Variants in HIVEP2 observed in about 807,000 individuals in gnomAD.
HIVEP2 encodes the protein HIVEP zinc finger 2.
HIVEP2 carries 14 observed loss-of-function variants against 180.7 expected under a neutral mutation model. That is an observed-to-expected ratio of 0.08 (90% CI 0.05 to 0.12). HIVEP2 has a LOEUF of 0.12. Ranked by LOEUF, HIVEP2 falls within the 10% of genes least tolerant of loss-of-function variation. HIVEP2 has a pLI of 1.00. For synonymous variants in HIVEP2, 1,184 were observed against 1,136.4 expected, an observed-to-expected ratio of 1.04 and a Z score of -0.84; for missense variants, 2,579 against 3,008.5, an observed-to-expected ratio of 0.86 and a Z score of 3.34.
intron 2 of HIVEP2, among the ~76,000 whole-genome samples, chr6:142,784,482 T>C (rs549357135): frequency 6.6e-6 from 1 of 152,188 alleles, no homozygotes; most frequent in Non-Finnish European, 1.5e-5. Flanking sequence ...TGCACACCAC[T>C]GCAGTAGCAC....
At chr6:142,755,504 C>T (rs1427558275) in intron 9 of HIVEP2, among the ~76,000 whole-genome samples, 1 of 152,082 alleles carries the variant, frequency 6.6e-6, no homozygotes, top group African/African-American at 2.4e-5. Context: ...TAAAATAAAA[C>T]CGAGCTTGGT....
In HIVEP2 at chr6:142,774,468, G is replaced by A. The variant is rs1775641005; in HGVS notation, c.271C>T (p.Pro91Ser). The change falls in exon 5 of 10, where the codon CCT (proline) becomes TCT (serine). Residue 91 changes from proline (P) to serine (S), a missense_variant. Coordinates refer to ENST00000367603, the MANE Select transcript of HIVEP2 (RefSeq NM_006734.4). This position sits in a 1 kb window ranked among gnomAD's most constrained non-coding sequence, Gnocchi z 5.1. Reference sequence around the variant, plus strand: ...GAGAGTGAGTGTTGGCATGAGTAAGGACTCGGACGATGCGGTGGATATTGC... The same window carrying A: ...GAGAGTGAGTGTTGGCATGAGTAAGAACTCGGACGATGCGGTGGATATTGC... ...EKQYPPHRPSPYSCQHSLSFP... is the reference protein window; with the variant it reads ...EKQYPPHRPSSYSCQHSLSFP... 2 of 1,614,044 alleles carry A rather than the reference G, an allele frequency of 1.2e-6. No individual in the cohort carries two copies. Among genetic ancestry groups the A allele is most frequent in the Non-Finnish European group, 1.7e-6 (2 of 1,180,044 alleles).
intron 1 of HIVEP2, among the ~76,000 whole-genome samples, chr6:142,907,269 T>A (rs145073634): frequency 6.6e-6 from 1 of 152,318 alleles, no homozygotes; most frequent in Non-Finnish European, 1.5e-5. Context: ...CAAATCACAT[T>A]GTTTGAATAC....
intron 1 of HIVEP2, among the ~76,000 whole-genome samples, chr6:142,906,821 T>C (rs1777274582): frequency 6.6e-6 from 1 of 152,162 alleles, no homozygotes; most frequent in South Asian, 2.1e-4. Context: ...GATCAAAGAA[T>C]ATACAAGGAA....
rs553553198 is a variant in HIVEP2, at chr6:142,840,816, G to T, written c.-640-3769C>A. On this transcript the variant is annotated intron_variant, in intron 1 of 9. Coordinates refer to ENST00000367603, the MANE Select transcript of HIVEP2 (RefSeq NM_006734.4). ...GTTTATAATGGACTTCATATTTATGGCCATATTGATTTCAAGAGATTGAAA... is the reference window on the plus strand; with the variant it reads ...GTTTATAATGGACTTCATATTTATGTCCATATTGATTTCAAGAGATTGAAA... Among the ~76,000 whole-genome samples, 134 of 152,036 alleles carry T rather than the reference G, an allele frequency of 8.8e-4. 1 individual carries two copies. The highest frequency in any genetic ancestry group is 3.2e-3 in the African/African-American group (131 of 41,464).
chr6:142,822,090 C>T lies in HIVEP2; in HGVS notation c.-528+14845G>A, dbSNP rs115034230. ...AGGAGGCCACACAGTGCAGGAAAGA[C>T]GCTACTTTTAATTCCGGCTCCACCA... On this transcript the variant is annotated intron_variant, in intron 2 of 9. Coordinates refer to ENST00000367603, the MANE Select transcript of HIVEP2 (RefSeq NM_006734.4). Among the ~76,000 whole-genome samples, 1,317 of 152,294 alleles carry T rather than the reference C, an allele frequency of 8.6e-3. 10 individuals carry two copies. The highest frequency in any genetic ancestry group is 0.011 in the Non-Finnish European group (765 of 68,024).
chr6:142,814,261 A>G (rs1282042133), intron 2 of HIVEP2, among the ~76,000 whole-genome samples: 2 of 152,218 alleles, frequency 1.3e-5, no homozygotes, highest in Non-Finnish European at 2.9e-5. Context: ...AACCAGGTAT[A>G]TTCTGGGAAT....
rs1174974536 is a variant in HIVEP2 at position 142,770,640 on chromosome 6, A to C, written c.4099T>G (p.Cys1367Gly). 6.2e-7 allele frequency: 1 copy of C among 1,614,124 alleles called. No homozygotes were observed. The highest frequency in any genetic ancestry group is 1.3e-5 in the African/African-American group (1 of 74,950). The change falls in exon 5 of 10, where the codon TGC becomes GGC. Residue 1367 changes from cysteine (C) to glycine (G), a missense_variant. Physicochemically the swap from Cys to Gly is radical, Grantham distance 159. Coordinates refer to ENST00000367603, the MANE Select transcript of HIVEP2 (RefSeq NM_006734.4). This position sits in a 1 kb window ranked among gnomAD's most constrained non-coding sequence, Gnocchi z 4.7. ...LGQNSPAIVI[C>G]KVDENMTQRT... ...TGGGTCATATTCTCATCGACTTTGC[A>C]TATGACAATGGCAGGGCTATTCTGC...
chr6:142,853,389 G>T (rs985882857), intron 1 of HIVEP2, among the ~76,000 whole-genome samples: 1 of 152,088 alleles, frequency 6.6e-6, no homozygotes, highest in Non-Finnish European at 1.5e-5. Context: ...TGTTCTTCCG[G>T]CTCCCAGAAT....
intron 9 of HIVEP2, among the ~76,000 whole-genome samples, chr6:142,758,257 A>G (rs1775130948): frequency 6.6e-6 from 1 of 152,208 alleles, no homozygotes; most frequent in African/African-American, 2.4e-5. Flanking sequence ...CCCAATTGCT[A>G]TATATGTTTC....
chr6:142,924,594 A>C (rs907537076), intron 1 of HIVEP2, among the ~76,000 whole-genome samples: 1 of 152,264 alleles, frequency 6.6e-6, no homozygotes, highest in African/African-American at 2.4e-5. Context: ...TACTGACCCT[A>C]AACAGAACTA....
At chr6:142,916,419 T>G (rs1777550176) in intron 1 of HIVEP2, among the ~76,000 whole-genome samples, 1 of 152,236 alleles carries the variant, frequency 6.6e-6, no homozygotes, top group African/African-American at 2.4e-5. Context: ...TCCCTTGTTC[T>G]TGGTGCTCCA....
intron 2 of HIVEP2, among the ~76,000 whole-genome samples, chr6:142,804,691 T>C (rs1240418609): frequency 6.6e-6 from 1 of 152,090 alleles, no homozygotes; most frequent in African/African-American, 2.4e-5. Flanking sequence ...CTGACACATG[T>C]TGGGGTGTAG....
At chr6:142,865,984 C>T (rs893547146) in intron 1 of HIVEP2, among the ~76,000 whole-genome samples, 3 of 152,296 alleles carry the variant, frequency 2.0e-5, no homozygotes, top group African/African-American at 7.2e-5. Context: ...TCCTTTACCA[C>T]TGGCCAGCTG....
chr6:142,821,366 T>C (rs977852178), intron 2 of HIVEP2, among the ~76,000 whole-genome samples: 1 of 152,050 alleles, frequency 6.6e-6, no homozygotes, highest in Non-Finnish European at 1.5e-5. Flanking sequence ...AACTATGGCT[T>C]AAAGCATTAA....
chr6:142,931,363 C>T (rs962628621), intron 1 of HIVEP2, among the ~76,000 whole-genome samples: 6 of 151,524 alleles, frequency 4.0e-5, no homozygotes, highest in East Asian at 1.9e-4. Context: ...TATTCTGTAT[C>T]CCCATTTTTA....
At chr6:142,866,090 G>A (rs1241176677) in intron 1 of HIVEP2, among the ~76,000 whole-genome samples, 6 of 147,444 alleles carry the variant, frequency 4.1e-5, no homozygotes, top group African/African-American at 1.5e-4. Flanking sequence ...GGCTGTGGTG[G>A]AAATTAAATT....
At chr6:142,803,958 C>G (rs189074312) in intron 2 of HIVEP2, among the ~76,000 whole-genome samples, 1 of 152,180 alleles carries the variant, frequency 6.6e-6, no homozygotes, top group South Asian at 2.1e-4. Context: ...AACTTCTAAG[C>G]TGAAAGAGCT....
At chr6:142,848,404 T>C (rs1775568004) in intron 1 of HIVEP2, among the ~76,000 whole-genome samples, 1 of 152,128 alleles carries the variant, frequency 6.6e-6, no homozygotes, top group Admixed American at 6.5e-5. Flanking sequence ...GGAAGTATGT[T>C]TAGGAAAGAA....
Sources: allele counts gnomAD v4.1 joint callset (sites outside exome capture counted in the v4.1 genomes callset), GRCh38; gene constraint gnomAD v4.1.1; non-coding constraint Gnocchi (gnomAD v3.1); transcripts MANE v1.5; gene names NCBI Gene and HGNC (gene_info 2026-07-23, HGNC 2026-07-21).